C4orf50: variants seen among roughly 807,000 people sequenced by gnomAD.
C4orf50 encodes the protein uncharacterized protein C4orf50.
A neutral mutation model predicts 77.2 loss-of-function variants in C4orf50; 80 were observed. That is an observed-to-expected ratio of 1.04 (90% confidence interval 0.87 to 1.25). The LOEUF is 1.25. Ranked by LOEUF, C4orf50 falls within the 50% of genes most tolerant of loss-of-function variation. C4orf50 has a pLI of 0.00. For missense variants in C4orf50, 1,257 were observed against 1,152.9 expected, an observed-to-expected ratio of 1.09 and a Z score of -1.31; for synonymous variants, 532 against 465.3, an observed-to-expected ratio of 1.14 and a Z score of -1.84.
At chr4:5,941,412 A>C (rs1262100907) in intron 7 of C4orf50, among the ~76,000 whole-genome samples, 1 of 151,856 alleles carries the variant, frequency 6.6e-6, no homozygotes, top group Non-Finnish European at 1.5e-5. Context: ...ACCCGTTGCT[A>C]CTCCTTACAT....
At chr4:5,945,779 T>TGGGCTGGACCCTGGGCC (rs1468505672) in intron 7 of C4orf50, among the ~76,000 whole-genome samples, 1 of 152,184 alleles carries the variant, frequency 6.6e-6, no homozygotes, top group Non-Finnish European at 1.5e-5. Context: ...GGCCCTGGGC[T>TGGGCTGGACCCTGGGCC]GGGCTGGACC....
intron 7 of C4orf50, among the ~76,000 whole-genome samples, chr4:5,929,695 C>T (rs80205852): frequency 0.014 from 2,093 of 152,358 alleles, 36 homozygotes; most frequent in African/African-American, 0.046. Context: ...AAACTCCAGG[C>T]TGCCCAGCGC....
intron 7 of C4orf50, among the ~76,000 whole-genome samples, chr4:5,930,765 C>T (rs992889144): frequency 2.0e-5 from 3 of 152,188 alleles, no homozygotes; most frequent in Non-Finnish European, 4.4e-5. Context: ...CTCCAGTGTG[C>T]GTCTCCCCTG....
exon 34 of C4orf50, chr4:5,959,253 C>T: frequency 1.6e-6 from 2 of 1,224,796 alleles, no homozygotes; most frequent in Admixed American, 2.2e-5. Flanking sequence ...AAGCCGAAGG[C>T]AAAACCACTT....
At chr4:5,936,965 C>T (rs994863573) in intron 7 of C4orf50, among the ~76,000 whole-genome samples, 1 of 151,610 alleles carries the variant, frequency 6.6e-6, no homozygotes, top group Non-Finnish European at 1.5e-5. Context: ...CATTGTCATA[C>T]CACCAAGAAG....
intron 25 of C4orf50, among the ~76,000 whole-genome samples, chr4:6,003,602 G>C (rs1433491995): frequency 1.6e-5 from 1 of 64,162 alleles, no homozygotes; most frequent in African/African-American, 5.7e-5. Context: ...TGATGGTGGT[G>C]ATGGTGATGA....
intron 7 of C4orf50, among the ~76,000 whole-genome samples, chr4:5,936,565 A>AAAG: frequency 6.7e-6 from 1 of 148,634 alleles, no homozygotes. Flanking sequence ...GCCATCTCAA[A>AAAG]AAAAAAAAAA....
rs190754306 is a variant in C4orf50, at chr4:5,900,965, T to A, written c.*2475-2777A>T. The A allele has an allele frequency of 2.0e-5, 3 of 152,360 alleles. No individual in the cohort carries two copies. The East Asian group carries it at 5.8e-4, about 29-fold the overall frequency. 9.4% of individuals were successfully genotyped at this position (152,360 alleles called of 1,614,324 possible). On this transcript the variant is annotated intron_variant, in intron 7 of 7. Coordinates refer to the C4orf50 transcript ENST00000324058. This position sits in a 1 kb window ranked among gnomAD's most constrained non-coding sequence, Gnocchi z 4.3. ...CATGTGTGTCACCATTTGTATGTCT[T>A]GCATTTGTTGCAGCCCATTGGTCTG...
In C4orf50 at chr4:5,908,731, A is replaced by C. The variant is rs568137210; in HGVS notation, c.*2475-10543T>G. On this transcript the variant is annotated intron_variant, in intron 7 of 7. Coordinates refer to the C4orf50 transcript ENST00000324058. This position sits in a 1 kb window ranked among gnomAD's most constrained non-coding sequence, Gnocchi z 5.6. Reference sequence around the variant, plus strand: ...TACATACGTGACTGCCCTTGACACCATTCACCTAGCTCCCAAGGTCATGCA... The same window carrying C: ...TACATACGTGACTGCCCTTGACACCCTTCACCTAGCTCCCAAGGTCATGCA... Among the ~76,000 whole-genome samples the C allele has an allele frequency of 5.5e-4, 84 of 152,266 alleles. No individual in the cohort carries two copies. Among genetic ancestry groups the C allele is most frequent in the Admixed American group, 1.2e-3 (18 of 15,292 alleles).
At chr4:5,915,006 A>C (rs538240945) in intron 7 of C4orf50, among the ~76,000 whole-genome samples, 2 of 152,338 alleles carry the variant, frequency 1.3e-5, no homozygotes, top group South Asian at 4.1e-4. Flanking sequence ...GTAGCTCAGA[A>C]AGTAATTACT....
At chr4:5,945,664 C>T (rs1408790326) in intron 7 of C4orf50, among the ~76,000 whole-genome samples, 1 of 152,158 alleles carries the variant, frequency 6.6e-6, no homozygotes, top group Non-Finnish European at 1.5e-5. Context: ...ATCAGACTTG[C>T]CCCGGCCCCT....
At chr4:5,980,064 T>C in intron 29 of C4orf50, 110 bp downstream of exon 7, 1 of 816,826 alleles carries the variant, frequency 1.2e-6, no homozygotes, top group Non-Finnish European at 1.9e-6. Flanking sequence ...CAGTACCTGC[T>C]CCCAACTGGC....
downstream of C4orf50, among the ~76,000 whole-genome samples, chr4:5,952,888 C>T (rs914422486): frequency 1.3e-5 from 2 of 152,208 alleles, no homozygotes; most frequent in Non-Finnish European, 2.9e-5. The surrounding 1 kb of genome is among the most constrained non-coding windows in gnomAD (Gnocchi z 4.4). Context: ...CCTGACTCCA[C>T]TTGAATTCCC....
At chr4:6,006,262 T>G (rs1363892909) in intron 25 of C4orf50, among the ~76,000 whole-genome samples, 2 of 152,194 alleles carry the variant, frequency 1.3e-5, no homozygotes, top group Non-Finnish European at 2.9e-5. Context: ...TAAAGATAAA[T>G]TTTATTTCCA....
chr4:5,962,896 G>A (rs1163207946), intron 33 of C4orf50, among the ~76,000 whole-genome samples: 6 of 152,068 alleles, frequency 3.9e-5, no homozygotes, highest in Non-Finnish European at 8.8e-5. Flanking sequence ...TTATGCTCCA[G>A]CGATGTTGCT....
chr4:6,005,795 G>T (rs1193502880), intron 25 of C4orf50, among the ~76,000 whole-genome samples: 1 of 152,078 alleles, frequency 6.6e-6, no homozygotes, highest in Non-Finnish European at 1.5e-5. Context: ...GAAATAGCAG[G>T]TAGCTATTTC....
rs1439952941 is a variant in C4orf50 at position 6,007,532 on chromosome 4, TTC to T, written c.963+462_963+463del. On this transcript the variant is annotated intron_variant, in intron 25 of 33. Transcript: ENST00000531445. This position sits in a 1 kb window ranked among gnomAD's most constrained non-coding sequence, Gnocchi z 4.1. ...GCCTCCAAAAGTGTGAAAAATAAGT[TTC>T]TGTTATTTATAAGCCACCATCTATG... is the stretch of plus-strand genomic sequence containing the variant. Among the ~76,000 whole-genome samples the T allele has an allele frequency of 6.6e-6, 1 of 152,050 alleles. No individual in the cohort carries two copies. Among genetic ancestry groups the T allele is most frequent in the Non-Finnish European group, 1.5e-5 (1 of 68,012 alleles).
intron 29 of C4orf50, among the ~76,000 whole-genome samples, chr4:5,979,661 G>A (rs1446788226): frequency 1.3e-5 from 2 of 152,234 alleles, no homozygotes; most frequent in Non-Finnish European, 2.9e-5. Flanking sequence ...TGTCACCTGG[G>A]CTGGAGTGTA....
At chr4:5,922,538 C>T (rs28451061) in intron 7 of C4orf50, among the ~76,000 whole-genome samples, 7,133 of 152,144 alleles carry the variant, frequency 0.047, 571 homozygotes, top group African/African-American at 0.16. Context: ...ATTGGACCCA[C>T]GGGAAGGGGC....
Sources: gnomAD v4.1 joint callset for allele counts (sites outside exome capture counted in the v4.1 genomes callset) on GRCh38, gnomAD v4.1.1 for gene constraint, Gnocchi (gnomAD v3.1) non-coding constraint, MANE v1.5 for transcripts, NCBI Gene and HGNC (gene_info 2026-07-23, HGNC 2026-07-21) for gene names.